Variants in ADAMTS18 observed in about 807,000 individuals in gnomAD.
ADAMTS18 encodes the protein ADAM metallopeptidase with thrombospondin type 1 motif 18.
Under a neutral mutation model 165.9 loss-of-function variants are expected in ADAMTS18, and 157 were observed. The observed-to-expected ratio is 0.95, with a 90% CI of 0.83 to 1.08. The LOEUF (loss-of-function observed/expected upper bound fraction) is 1.08, where lower values mean the gene tolerates loss of function less well. Ranked by LOEUF, ADAMTS18 falls within the 50% of genes least tolerant of loss-of-function variation. ADAMTS18 has a pLI of 0.00. For missense variants in ADAMTS18, 2,040 were observed against 1,534.0 expected (o/e 1.33, Z -5.51); for synonymous variants, 782 against 578.2 (o/e 1.35, Z -5.06).
At chr16:77,368,086 T>C (rs758234309) in intron 3 of ADAMTS18, among the ~76,000 whole-genome samples, 3 of 152,210 alleles carry the variant, frequency 2.0e-5, no homozygotes, top group African/African-American at 4.8e-5. Flanking sequence ...TGGCCCAAGC[T>C]GGTTTTGAAC....
rs760867980 is a variant in ADAMTS18, at chr16:77,335,808, G to C, written c.1807C>G (p.Arg603Gly). 1.1e-5 allele frequency: 17 copies of C among 1,614,046 alleles called. No homozygotes were observed. The highest frequency in any genetic ancestry group is 1.4e-5 in the Non-Finnish European group (17 of 1,180,042). ...SAWSKWSECS[R>G]TCGGGVKFQE... ...AACTTGACTCCTCCACCACATGTCCGGGAACATTCTGACCACTTCGACCAG... is the reference window on the plus strand; with the variant it reads ...AACTTGACTCCTCCACCACATGTCCCGGAACATTCTGACCACTTCGACCAG... Residue 603 changes from arginine (R) to glycine (G), a missense_variant, in exon 12 of 23, where the codon CGG becomes GGG. Physicochemically the swap from Arg to Gly is moderately radical, Grantham distance 125 (BLOSUM62 -2). Transcript: ENST00000282849.
chr16:77,362,101 A>G lies in ADAMTS18; in HGVS notation c.1216+4T>C. The G allele has an allele frequency of 6.2e-7, 1 of 1,614,052 alleles. No individual in the cohort carries two copies. The highest frequency in any genetic ancestry group is 1.7e-5 in the Admixed American group (1 of 60,034). On this transcript the variant is annotated splice_donor_region_variant and intron_variant, in intron 7 of 22. Coordinates refer to ENST00000282849, the MANE Select transcript of ADAMTS18 (RefSeq NM_199355.4). ...TGTGTGTGAAGGATCTGTTCATACCATACCTAGAGTGTCACATGGTTCATT... is the reference window on the plus strand; with the variant it reads ...TGTGTGTGAAGGATCTGTTCATACCGTACCTAGAGTGTCACATGGTTCATT...
intron 11 of ADAMTS18, among the ~76,000 whole-genome samples, chr16:77,336,848 T>C (rs754278893): frequency 1.5e-4 from 23 of 152,392 alleles, no homozygotes; most frequent in South Asian, 1.2e-3. Flanking sequence ...GAGAAAGTTC[T>C]GCATGACTTA....
Position 77,364,332 on chromosome 16 carries a change from A to G in ADAMTS18, c.828T>C (p.Tyr276=), listed in dbSNP as rs757865443. ...TEDTYLRFDE[Y]GSSGRPRRSA... ...ATCTTCTGGGTCGCCCAGAGCTCCCATATTCATCAAACCTTAGATAGGTGT... is the reference window on the plus strand; with the variant it reads ...ATCTTCTGGGTCGCCCAGAGCTCCCGTATTCATCAAACCTTAGATAGGTGT... Residue 276 remains tyrosine, a synonymous_variant, in exon 5 of 23, where the codon TAT becomes TAC. Transcript: ENST00000282849. 6.2e-7 allele frequency: 1 copy of G among 1,613,828 alleles called. No individual in the cohort carries two copies. Among genetic ancestry groups the G allele is most frequent in the Non-Finnish European group, 8.5e-7 (1 of 1,179,996 alleles).
At chr16:77,402,986 T>G (rs534698866) in intron 3 of ADAMTS18, among the ~76,000 whole-genome samples, 1 of 152,324 alleles carries the variant, frequency 6.6e-6, no homozygotes, top group African/African-American at 2.4e-5. Context: ...TTATTAATAA[T>G]TTTTCACCAT....
chr16:77,376,213 C>T (rs946335861), intron 3 of ADAMTS18, among the ~76,000 whole-genome samples: 1 of 152,094 alleles, frequency 6.6e-6, no homozygotes, highest in African/African-American at 2.4e-5. Flanking sequence ...GCAGACACAT[C>T]TTACATGGCT....
chr16:77,329,262 T>C (rs1321023359), intron 12 of ADAMTS18, among the ~76,000 whole-genome samples: 1 of 152,106 alleles, frequency 6.6e-6, no homozygotes, highest in Admixed American at 6.6e-5. Context: ...TGTGCCACCA[T>C]GCCTGGCAAA....
At chr16:77,354,395 T>A (rs552654190) in intron 9 of ADAMTS18, among the ~76,000 whole-genome samples, 1 of 152,134 alleles carries the variant, frequency 6.6e-6, no homozygotes, top group South Asian at 2.1e-4. Context: ...CAAAAATAAA[T>A]AACATTCCTA....
intron 10 of ADAMTS18, among the ~76,000 whole-genome samples, chr16:77,349,017 G>T (rs1287375435): frequency 2.7e-5 from 4 of 150,296 alleles, no homozygotes; most frequent in South Asian, 2.1e-4. Flanking sequence ...AAGTGCATGG[G>T]GGAAAGTTAA....
chr16:77,428,830 A>G lies in ADAMTS18; in HGVS notation c.495+2465T>C, dbSNP rs1483604511. ...CCTCCCCAAATTGAAAATCCACAAC[A>G]CTTCTGGTCCCAAACATTTCAGATA... On this transcript the variant is annotated intron_variant, in intron 3 of 22. Transcript: ENST00000282849. Among the ~76,000 whole-genome samples the G allele has an allele frequency of 2.0e-5, 3 of 152,172 alleles. No homozygotes were observed. The East Asian group carries it at 5.8e-4, about 29-fold the overall frequency.
At chr16:77,386,220 T>C (rs1483789246) in intron 3 of ADAMTS18, among the ~76,000 whole-genome samples, 1 of 152,182 alleles carries the variant, frequency 6.6e-6, no homozygotes, top group African/African-American at 2.4e-5. Context: ...CTGCATATTG[T>C]CAGAGCCCAG....
intron 12 of ADAMTS18, among the ~76,000 whole-genome samples, chr16:77,333,142 G>T (rs925467171): frequency 6.6e-6 from 1 of 152,120 alleles, no homozygotes; most frequent in African/African-American, 2.4e-5. Context: ...TCACAGTCCC[G>T]TAGAGAATGA....
At chr16:77,427,064 C>T (rs1284899208) in intron 3 of ADAMTS18, among the ~76,000 whole-genome samples, 2 of 152,084 alleles carry the variant, frequency 1.3e-5, no homozygotes, top group Non-Finnish European at 2.9e-5. Context: ...CTAACAAGTT[C>T]CAAAAATACA....
chr16:77,286,903 G>T (rs975690276), intron 22 of ADAMTS18, among the ~76,000 whole-genome samples: 1 of 152,108 alleles, frequency 6.6e-6, no homozygotes, highest in African/African-American at 2.4e-5. Flanking sequence ...CAACCATAAG[G>T]ATGGCTTCCC....
chr16:77,287,797 C>G (rs948449579), intron 22 of ADAMTS18, among the ~76,000 whole-genome samples: 1 of 152,144 alleles, frequency 6.6e-6, no homozygotes, highest in Non-Finnish European at 1.5e-5. Flanking sequence ...TAAGCCATTT[C>G]TCATATGCAC....
intron 10 of ADAMTS18, among the ~76,000 whole-genome samples, chr16:77,346,075 ACTT>A (rs1251246589): frequency 6.6e-6 from 1 of 152,046 alleles, no homozygotes; most frequent in Non-Finnish European, 1.5e-5. Context: ...TGGCTGTTCC[ACTT>A]CTTCAACTAT....
At chr16:77,353,495 T>G (rs967620802) in intron 10 of ADAMTS18, among the ~76,000 whole-genome samples, 4 of 152,176 alleles carry the variant, frequency 2.6e-5, no homozygotes, top group African/African-American at 9.7e-5. Context: ...AGTCTTCATT[T>G]AAAGAGAAAG....
rs1422310432 is a variant in ADAMTS18, at chr16:77,359,387, C to T, written c.1253G>A (p.Arg418Gln). Residue 418 changes from arginine (R) to glutamine (Q), a missense_variant, in exon 8 of 23, where the codon CGA becomes CAA. By Grantham distance (43) the Arg-to-Gln change is conservative. Coordinates refer to ENST00000282849, the MANE Select transcript of ADAMTS18 (RefSeq NM_199355.4). ...TGTGTCCTCATTGATGGTACAACTT[C>T]GGTACTTAGAGCACATTCCACTGAT... ...APISGMCSKY[R>Q]SCTINEDTGL... 3.1e-6 allele frequency: 5 copies of T among 1,613,898 alleles called. No homozygotes were observed. Among genetic ancestry groups the T allele is most frequent in the Admixed American group, 1.7e-5 (1 of 59,982 alleles).
intron 16 of ADAMTS18, among the ~76,000 whole-genome samples, chr16:77,304,535 A>G (rs1403473846): frequency 6.6e-6 from 1 of 152,252 alleles, no homozygotes; most frequent in Non-Finnish European, 1.5e-5. Context: ...ACAAACTGTT[A>G]CACTGTGTTT....
Sources: allele counts gnomAD v4.1 joint callset (sites outside exome capture counted in the v4.1 genomes callset), GRCh38; gene constraint gnomAD v4.1.1; transcripts MANE v1.5; gene names NCBI Gene and HGNC (gene_info 2026-07-23, HGNC 2026-07-21).